Variants in TRERF1 observed in about 807,000 individuals in gnomAD.
TRERF1 encodes transcriptional-regulating factor 1.
Under a neutral mutation model 122.9 loss-of-function variants are expected in TRERF1, and 27 were observed. The observed-to-expected ratio is 0.22, with a 90% CI of 0.16 to 0.30. The LOEUF is 0.30. Ranked by LOEUF, TRERF1 falls within the 10% of genes least tolerant of loss-of-function variation. TRERF1 has a pLI of 1.00. For missense variants in TRERF1, 1,248 were observed against 1,560.3 expected (o/e 0.80, Z 3.37); for synonymous variants, 636 against 641.7 (o/e 0.99, Z 0.13).
At chr6:42,385,430 G>A (rs1053501105) in intron 2 of TRERF1, among the ~76,000 whole-genome samples, 2 of 152,116 alleles carry the variant, frequency 1.3e-5, no homozygotes, top group Non-Finnish European at 2.9e-5. Context: ...TGACACTGGG[G>A]CCACCACCAC....
chr6:42,334,396 G>A (rs573623968), intron 3 of TRERF1, among the ~76,000 whole-genome samples: 95 of 152,250 alleles, frequency 6.2e-4, no homozygotes, highest in African/African-American at 2.1e-3. Flanking sequence ...AACTCTAATA[G>A]TCTCAACAAT....
At chr6:42,278,371 C>T (rs1379976319) in intron 4 of TRERF1, among the ~76,000 whole-genome samples, 1 of 152,140 alleles carries the variant, frequency 6.6e-6, no homozygotes, top group Non-Finnish European at 1.5e-5. Context: ...CTCTGGGAGA[C>T]TAGAATGGAA....
chr6:42,290,307 G>A (rs1449664011), intron 4 of TRERF1, among the ~76,000 whole-genome samples: 1 of 152,226 alleles, frequency 6.6e-6, no homozygotes, highest in Non-Finnish European at 1.5e-5. Flanking sequence ...GGAAGGCAGG[G>A]AGGGAGGGAG....
chr6:42,323,714 G>A (rs1397663938), intron 3 of TRERF1, among the ~76,000 whole-genome samples: 1 of 152,176 alleles, frequency 6.6e-6, no homozygotes, highest in African/African-American at 2.4e-5. Flanking sequence ...CCAAAACCAG[G>A]AGGCAACATG....
At chr6:42,398,769 C>A (rs1437085209) in intron 2 of TRERF1, among the ~76,000 whole-genome samples, 9 of 152,202 alleles carry the variant, frequency 5.9e-5, no homozygotes. Context: ...GGAATCCATT[C>A]AAGATTGTCC....
exon 7 of TRERF1, chr6:42,264,783 T>C (rs775870748): frequency 6.2e-7 from 1 of 1,614,242 alleles, no homozygotes. Flanking sequence ...CTTGAACTCC[T>C]TCAGGCAGAT....
chr6:42,298,652 A>G (rs1785510448), intron 4 of TRERF1, among the ~76,000 whole-genome samples: 1 of 151,552 alleles, frequency 6.6e-6, no homozygotes, highest in East Asian at 2.0e-4. Context: ...TTAAAATACA[A>G]AAATTGGTGG....
intron 3 of TRERF1, among the ~76,000 whole-genome samples, chr6:42,360,852 A>G (rs139376469): frequency 3.7e-4 from 56 of 149,780 alleles, no homozygotes; most frequent in African/African-American, 1.2e-3. Flanking sequence ...CCCACCCTGC[A>G]GTCCACCCTA....
intron 6 of TRERF1, among the ~76,000 whole-genome samples, chr6:42,265,298 G>A (rs759217434): frequency 6.6e-6 from 1 of 152,164 alleles, no homozygotes; most frequent in Non-Finnish European, 1.5e-5. Flanking sequence ...CATGCCCATG[G>A]GATGAGGAAG....
chr6:42,339,979 C>T (rs1486509644), intron 3 of TRERF1, among the ~76,000 whole-genome samples: 1 of 152,156 alleles, frequency 6.6e-6, no homozygotes, highest in Non-Finnish European at 1.5e-5. Flanking sequence ...ATGTCTTGAC[C>T]TCTTTTAGGG....
chr6:42,403,312 G>A (rs1269300653), intron 2 of TRERF1, among the ~76,000 whole-genome samples: 1 of 152,140 alleles, frequency 6.6e-6, no homozygotes, highest in Non-Finnish European at 1.5e-5. Flanking sequence ...GACATAGTTA[G>A]TTAAGATGAG....
intron 4 of TRERF1, among the ~76,000 whole-genome samples, chr6:42,296,236 T>A (rs1408103405): frequency 1.3e-5 from 2 of 152,176 alleles, no homozygotes; most frequent in East Asian, 3.9e-4. Context: ...GACCAGTGCG[T>A]TCTATCTTCC....
chr6:42,311,387 T>C (rs1360862378), intron 3 of TRERF1, among the ~76,000 whole-genome samples: 1 of 151,854 alleles, frequency 6.6e-6, no homozygotes, highest in African/African-American at 2.4e-5. Context: ...AGCAGCTGTG[T>C]CCTTCCACTC....
At chr6:42,249,967 T>G (rs1212664159) in intron 13 of TRERF1, among the ~76,000 whole-genome samples, 1 of 152,194 alleles carries the variant, frequency 6.6e-6, no homozygotes, top group Non-Finnish European at 1.5e-5. Context: ...GCTAAAGCCT[T>G]GGACAGATAA....
At chr6:42,244,241 A>G (rs1177569196) in intron 14 of TRERF1, among the ~76,000 whole-genome samples, 4 of 147,290 alleles carry the variant, frequency 2.7e-5, no homozygotes, top group African/African-American at 7.6e-5. Context: ...CTGGAGTGCA[A>G]TGGCACGATC....
chr6:42,274,969 C>T (rs1780909490), intron 4 of TRERF1, among the ~76,000 whole-genome samples: 1 of 152,194 alleles, frequency 6.6e-6, no homozygotes, highest in Non-Finnish European at 1.5e-5. Context: ...ACCCCCATCC[C>T]CAGCCACCCA....
At chr6:42,451,972 C>G (rs368895977) in intron 1 of TRERF1, 46 bp from the exon 1 acceptor site, 1 of 152,722 alleles carries the variant, frequency 6.5e-6, no homozygotes, top group Admixed American at 6.6e-5. Context: ...TCTCGCCCCT[C>G]CCCCGGTCGC....
chr6:42,243,218 C>T lies in TRERF1; in HGVS notation c.2859+30G>A, dbSNP rs368948335. 2.3e-5 allele frequency: 36 copies of T among 1,589,768 alleles called. No individual in the cohort carries two copies. The African/African-American group carries it at 4.6e-4, about 20-fold the overall frequency. Reference sequence around the variant, plus strand: ...GGGCCTGGGGTGGGAGCTGTCCCAGCACAAGCAACAACTTAGCAGCTTCAC... The same window carrying T: ...GGGCCTGGGGTGGGAGCTGTCCCAGTACAAGCAACAACTTAGCAGCTTCAC... On this transcript the variant is annotated intron_variant, in intron 15 of 17. Transcript: ENST00000372922.
At chr6:42,293,499 T>G (rs752115383) in intron 4 of TRERF1, among the ~76,000 whole-genome samples, 1 of 152,126 alleles carries the variant, frequency 6.6e-6, no homozygotes, top group African/African-American at 2.4e-5. Context: ...ATCACTGAAG[T>G]GCAAAGAAAC....
Sources: gnomAD v4.1 joint callset for allele counts (sites outside exome capture counted in the v4.1 genomes callset) on GRCh38, gnomAD v4.1.1 for gene constraint, MANE v1.5 for transcripts, NCBI Gene and HGNC (gene_info 2026-07-23, HGNC 2026-07-21) for gene names.